Variants in XPO4 observed in about 807,000 individuals in gnomAD.
The protein encoded by XPO4 is exportin-4.
XPO4 carries 39 observed loss-of-function variants against 143.0 expected under a neutral mutation model. The observed-to-expected ratio is 0.27, with a 90% CI of 0.21 to 0.36. The LOEUF (loss-of-function observed/expected upper bound fraction) is 0.36. XPO4 is among the 10% of genes least tolerant of loss of function. XPO4 has a pLI of 1.00. For synonymous variants in XPO4, 439 were observed against 474.0 expected, an observed-to-expected ratio of 0.93 and a Z score of 0.96; for missense variants, 907 against 1,348.0, an observed-to-expected ratio of 0.67 and a Z score of 5.12.
At chr13:20,896,088 T>C (rs2060566529) in intron 1 of XPO4, among the ~76,000 whole-genome samples, 1 of 152,202 alleles carries the variant, frequency 6.6e-6, no homozygotes, top group Admixed American at 6.5e-5. Flanking sequence ...CAATGTGAAA[T>C]AACATTTTAT....
At chr13:20,854,788 G>T (rs993187590) in intron 4 of XPO4, among the ~76,000 whole-genome samples, 1 of 152,128 alleles carries the variant, frequency 6.6e-6, no homozygotes, top group African/African-American at 2.4e-5. Flanking sequence ...TCTAAAAGGT[G>T]GACAGGAGAG....
intron 5 of XPO4, 53 bp downstream of exon 5, chr13:20,843,717 A>T: frequency 8.1e-7 from 1 of 1,237,548 alleles, no homozygotes; most frequent in Non-Finnish European, 1.2e-6. Flanking sequence ...GAATAGATTG[A>T]GTAAAAAGTG....
Position 20,788,601 on chromosome 13 carries a change from T to C in XPO4, c.2932A>G (p.Asn978Asp). ...QDLLKFPTLC[N>D]QYYKLITFIC... ...AATGTGATTAATTTGTAGTACTGAT[T>C]ACAAAGGGTTGGAAACTGAAAAAGA... is the stretch of plus-strand genomic sequence containing the variant. The change falls in exon 20 of 23, where the codon AAT (asparagine) becomes GAT (aspartate). Residue 978 changes from asparagine to aspartate, a missense_variant. Coordinates refer to ENST00000255305, the MANE Select transcript of XPO4 (RefSeq NM_022459.5). 1 of 1,602,370 alleles carries C rather than the reference T, an allele frequency of 6.2e-7. No individual in the cohort carries two copies. Among genetic ancestry groups the C allele is most frequent in the Middle Eastern group, 1.7e-4 (1 of 6,000 alleles).
At chr13:20,805,320 G>A (rs917532206) in intron 13 of XPO4, among the ~76,000 whole-genome samples, 2 of 152,134 alleles carry the variant, frequency 1.3e-5, no homozygotes, top group East Asian at 3.9e-4. Context: ...ACCCTACAAT[G>A]GCATGCTGCT....
intron 6 of XPO4, among the ~76,000 whole-genome samples, chr13:20,836,520 C>T (rs558189869): frequency 6.6e-6 from 1 of 152,122 alleles, no homozygotes; most frequent in African/African-American, 2.4e-5. Flanking sequence ...CTTGGACCAC[C>T]TCTCCTATTT....
chr13:20,867,207 A>G (rs925875396), intron 2 of XPO4, among the ~76,000 whole-genome samples: 1 of 152,184 alleles, frequency 6.6e-6, no homozygotes, highest in African/African-American at 2.4e-5. Context: ...CCACTGAAAT[A>G]AGTAAATTAA....
At chr13:20,851,681 G>T in intron 4 of XPO4, 3 of 827,238 alleles carry the variant, frequency 3.6e-6, no homozygotes, top group Non-Finnish European at 4.3e-6. Flanking sequence ...TTGCCCTCCA[G>T]CCGAGGCAAC....
chr13:20,798,806 G>A (rs1253842697), intron 16 of XPO4, among the ~76,000 whole-genome samples: 1 of 152,072 alleles, frequency 6.6e-6, no homozygotes, highest in East Asian at 1.9e-4. Context: ...GATTGCTTGA[G>A]GCCAGGAGTT....
chr13:20,811,002 G>T (rs2059575090), intron 9 of XPO4, among the ~76,000 whole-genome samples: 1 of 152,154 alleles, frequency 6.6e-6, no homozygotes. Context: ...GTTACTTGTG[G>T]TCCAAGATCT....
chr13:20,857,445 AG>A (rs1158837674), intron 3 of XPO4, among the ~76,000 whole-genome samples: 3 of 152,132 alleles, frequency 2.0e-5, no homozygotes, highest in Non-Finnish European at 4.4e-5. Context: ...TCAAATCAGA[AG>A]GCCGGGCGCA....
chr13:20,853,709 G>A (rs917022874), intron 4 of XPO4, among the ~76,000 whole-genome samples: 9 of 152,126 alleles, frequency 5.9e-5, no homozygotes, highest in African/African-American at 2.2e-4. Context: ...TCGGTCTTTA[G>A]AATGACACTA....
At chr13:20,836,567 T>C (rs1000374866) in intron 6 of XPO4, among the ~76,000 whole-genome samples, 17 of 152,168 alleles carry the variant, frequency 1.1e-4, no homozygotes, top group Non-Finnish European at 1.9e-4. Context: ...CACAACTTTA[T>C]CTCCACCCCT....
intron 4 of XPO4, among the ~76,000 whole-genome samples, chr13:20,850,482 T>A (rs1322883777): frequency 1.3e-5 from 2 of 152,068 alleles, no homozygotes; most frequent in Non-Finnish European, 2.9e-5. Flanking sequence ...AAATGGACCA[T>A]CAAAAATCAA....
chr13:20,789,002 G>A (rs946727344), intron 19 of XPO4, among the ~76,000 whole-genome samples: 1 of 152,168 alleles, frequency 6.6e-6, no homozygotes, highest in African/African-American at 2.4e-5. Flanking sequence ...AAAAATTCAA[G>A]AAGGTTAATA....
intron 17 of XPO4, among the ~76,000 whole-genome samples, chr13:20,796,510 C>G (rs777518848): frequency 6.6e-5 from 10 of 151,498 alleles, no homozygotes; most frequent in Non-Finnish European, 1.3e-4. Flanking sequence ...ATACATATAC[C>G]TATGTAACAA....
At chr13:20,817,874 C>A (rs1042657727) in intron 9 of XPO4, among the ~76,000 whole-genome samples, 4 of 152,172 alleles carry the variant, frequency 2.6e-5, no homozygotes, top group Non-Finnish European at 5.9e-5. Context: ...CAGCTCACTG[C>A]AACCTCTGCC....
intron 1 of XPO4, among the ~76,000 whole-genome samples, chr13:20,882,814 A>T (rs527447773): frequency 6.6e-6 from 1 of 151,350 alleles, no homozygotes; most frequent in South Asian, 2.1e-4. Flanking sequence ...TTGAACCAGT[A>T]GGGCAGAGGT....
At chr13:20,819,485 C>A (rs915276768) in intron 9 of XPO4, among the ~76,000 whole-genome samples, 4 of 152,042 alleles carry the variant, frequency 2.6e-5, no homozygotes, top group Non-Finnish European at 4.4e-5. Context: ...CATGGTGAAA[C>A]CCCGTCTCTA....
chr13:20,843,794 A>G lies in XPO4; in HGVS notation c.549T>C (p.His183=), dbSNP rs1248268063. The change falls in exon 5 of 23, where the codon CAT becomes CAC. Residue 183 remains histidine, a synonymous_variant. Transcript: ENST00000255305. ...TSNIGLSMEF[H]GNCKRVFQEE... ...CCTGAAAAACTCTTTTGCAGTTACC[A>G]TGGAATTCCATGCTCAATCCAATGT... 6.2e-7 allele frequency: 1 copy of G among 1,612,950 alleles called. No homozygotes were observed. The highest frequency in any genetic ancestry group is 1.3e-5 in the African/African-American group (1 of 74,912).
Sources: gnomAD v4.1 joint callset for allele counts (sites outside exome capture counted in the v4.1 genomes callset) on GRCh38, gnomAD v4.1.1 for gene constraint, MANE v1.5 for transcripts, NCBI Gene and HGNC (gene_info 2026-07-23, HGNC 2026-07-21) for gene names.